Variants in EPS8 observed in about 807,000 individuals in gnomAD.
EPS8 encodes EGFR pathway substrate 8, signaling adaptor.
In EPS8, 42 loss-of-function variants were observed where a neutral mutation model predicts 103.8. The observed-to-expected ratio is 0.40, with a 90% CI of 0.32 to 0.52. EPS8 has a LOEUF of 0.52. EPS8 is among the 20% of genes least tolerant of loss of function. The probability of loss-of-function intolerance (pLI) is 0.40; values close to 1 mark genes in which losing one functional copy is unlikely to be tolerated. For synonymous variants in EPS8, 344 were observed against 344.6 expected, an observed-to-expected ratio of 1.00 and a Z score of 0.02; for missense variants, 969 against 1,005.1, an observed-to-expected ratio of 0.96 and a Z score of 0.49.
rs969224920 is a variant in EPS8, at chr12:15,711,108, A to T, written c.-21-28136T>A. On this transcript the variant is annotated intron_variant, in intron 1 of 20. Transcript: ENST00000281172. ...TTGGTAGAGACAAGGTCTCACTATG[A>T]TGCCCAGGCTGGCCTTGAACTCATG... Among the ~76,000 whole-genome samples, 4 of 151,636 alleles carry T rather than the reference A, an allele frequency of 2.6e-5. No homozygotes were observed. In the East Asian group the frequency reaches 7.8e-4, roughly 29 times the overall value.
rs1946134600 is a variant in EPS8, at chr12:15,688,966, G to GC, written c.-21-5995dup. Among the ~76,000 whole-genome samples the GC allele has an allele frequency of 6.6e-6, 1 of 152,128 alleles. No homozygotes were observed. The highest frequency in any genetic ancestry group is 2.4e-5 in the African/African-American group (1 of 41,422). ...CTGTGGGATTGGAACCTCACAGCCT[G>GC]CCAGTCTGCATGCTCCCCTAGAGGT... On this transcript the variant is annotated intron_variant, in intron 1 of 20. Transcript: ENST00000281172. The surrounding 1 kb of genome is among the most constrained non-coding windows in gnomAD (Gnocchi z 5.1).
At chr12:15,653,441 C>T (rs1311786987) in intron 13 of EPS8, among the ~76,000 whole-genome samples, 1 of 152,112 alleles carries the variant, frequency 6.6e-6, no homozygotes, top group Non-Finnish European at 1.5e-5. Context: ...ATCCGCCTCC[C>T]GCCCTTCCAC....
At chr12:15,758,785 T>G (rs996835835) in intron 1 of EPS8, among the ~76,000 whole-genome samples, 2 of 152,236 alleles carry the variant, frequency 1.3e-5, no homozygotes, top group Non-Finnish European at 2.9e-5. Context: ...AGTGGTTATG[T>G]AGGAGAATGT....
intron 1 of EPS8, among the ~76,000 whole-genome samples, chr12:15,687,756 C>T (rs975007244): frequency 6.6e-6 from 1 of 152,178 alleles, no homozygotes; most frequent in African/African-American, 2.4e-5. Context: ...TGTCTATTCC[C>T]TGAGTTGCTA....
rs58735135 is a variant in EPS8, at chr12:15,703,847, G to GTTTTTTTTT, written c.-21-20884_-21-20876dup. ...CACCTGTATTCTGCTCTATGTATTTGTTTTTTTTTTTTTTTTTTTTTTTGG... is the reference window on the plus strand; with the variant it reads ...CACCTGTATTCTGCTCTATGTATTTGTTTTTTTTTTTTTTTTTTTTTTTTTTTTTTTTGG... On this transcript the variant is annotated intron_variant, in intron 1 of 20. Coordinates refer to ENST00000281172, the MANE Select transcript of EPS8 (RefSeq NM_004447.6). Among the ~76,000 whole-genome samples the GTTTTTTTTT allele has an allele frequency of 4.4e-4, 27 of 61,238 alleles. 2 individuals are homozygous for GTTTTTTTTT. The highest frequency in any genetic ancestry group is 1.8e-3 in the African/African-American group (24 of 13,684). The allele number at this position is 61,238 out of a possible 152,430, so 40.2% of individuals were successfully genotyped here. A position where few individuals can be genotyped will look rare whatever the true frequency, so the allele number is the denominator to read the frequency against.
chr12:15,630,229 C>CACAT (rs1945021830), intron 18 of EPS8, among the ~76,000 whole-genome samples: 1 of 151,430 alleles, frequency 6.6e-6, no homozygotes, highest in African/African-American at 2.4e-5. Context: ...CACACACATA[C>CACAT]ACACACACAC....
chr12:15,775,088 A>T (rs1947194911), intron 1 of EPS8, among the ~76,000 whole-genome samples: 1 of 152,124 alleles, frequency 6.6e-6, no homozygotes, highest in Non-Finnish European at 1.5e-5. Flanking sequence ...GCTTGGCCCC[A>T]CTAAAGAAGG....
In EPS8 at chr12:15,717,074, T is replaced by A. The variant is rs976434611; in HGVS notation, c.-21-34102A>T. 1.3e-5 allele frequency among the ~76,000 whole-genome samples: 2 copies of A among 152,234 alleles called. No individual in the cohort carries two copies. Among genetic ancestry groups the A allele is most frequent in the African/African-American group, 2.4e-5 (1 of 41,460 alleles). On this transcript the variant is annotated intron_variant, in intron 1 of 20. Coordinates refer to ENST00000281172, the MANE Select transcript of EPS8 (RefSeq NM_004447.6). The surrounding 1 kb of genome is among the most constrained non-coding windows in gnomAD (Gnocchi z 4.3). ...GCTAAGTTAGTTAAATTTGTATGGA[T>A]ACAATGATCAATCAAATGCTTTAAC...
intron 1 of EPS8, among the ~76,000 whole-genome samples, chr12:15,786,319 T>C (rs1170711878): frequency 6.6e-6 from 1 of 152,020 alleles, no homozygotes; most frequent in Non-Finnish European, 1.5e-5. Context: ...TGAATTCCAA[T>C]GCAAATGTAT....
intron 9 of EPS8, among the ~76,000 whole-genome samples, chr12:15,661,320 A>G (rs1945601859): frequency 6.6e-6 from 1 of 152,180 alleles, no homozygotes; most frequent in Non-Finnish European, 1.5e-5. Flanking sequence ...GAAACTTGAC[A>G]TTCTTCTAAT....
chr12:15,651,044 T>A (rs778188288), intron 13 of EPS8, 38 bp from the exon 14 acceptor site: 1 of 1,552,142 alleles, frequency 6.4e-7, no homozygotes, highest in South Asian at 1.2e-5. Flanking sequence ...CAATAAAATC[T>A]AGGAATGTAT....
At chr12:15,650,134 A>G (rs114113851) in intron 14 of EPS8, among the ~76,000 whole-genome samples, 150 of 152,370 alleles carry the variant, frequency 9.8e-4, no homozygotes, top group African/African-American at 3.6e-3. Context: ...ATTCCCAAAT[A>G]GGTTATACTC....
intron 15 of EPS8, among the ~76,000 whole-genome samples, chr12:15,643,281 A>G (rs2135761191): frequency 6.6e-6 from 1 of 152,278 alleles, no homozygotes; most frequent in South Asian, 2.1e-4. Flanking sequence ...GGTCTATAAC[A>G]AATTTTTTGT....
rs183631267 is a variant in EPS8 at position 15,701,733 on chromosome 12, G to A, written c.-21-18761C>T. ...TCAATCTCACTTGTTTTTTAGTTTC[G>A]AAACATTGGAAATATCTCACAGACC... is the stretch of plus-strand genomic sequence containing the variant. On this transcript the variant is annotated intron_variant, in intron 1 of 20. Transcript: ENST00000281172. This position sits in a 1 kb window ranked among gnomAD's most constrained non-coding sequence, Gnocchi z 5.1. Among the ~76,000 whole-genome samples the A allele has an allele frequency of 1.3e-5, 2 of 152,064 alleles. No homozygotes were observed. The highest frequency in any genetic ancestry group is 6.5e-5 in the Admixed American group (1 of 15,280).
chr12:15,772,854 C>A lies in EPS8; in HGVS notation c.-22+16307G>T, dbSNP rs535440432. On this transcript the variant is annotated intron_variant, in intron 1 of 20. Coordinates refer to ENST00000281172, the MANE Select transcript of EPS8 (RefSeq NM_004447.6). This position sits in a 1 kb window ranked among gnomAD's most constrained non-coding sequence, Gnocchi z 5.0. The stretch of plus-strand genomic sequence containing the variant: ...ACGGGTCTACAAAGTACCAGAAACC[C>A]TAAATGGTAAAAATTCATAGTGAAC... 2.6e-5 allele frequency among the ~76,000 whole-genome samples: 4 copies of A among 152,214 alleles called. No homozygotes were observed. Among genetic ancestry groups the A allele is most frequent in the South Asian group, 2.1e-4 (1 of 4,816 alleles).
chr12:15,788,486 AAG>A (rs1306632697), intron 1 of EPS8, among the ~76,000 whole-genome samples: 2 of 152,200 alleles, frequency 1.3e-5, no homozygotes, highest in Non-Finnish European at 1.5e-5. Context: ...GAAGGAAAGT[AAG>A]AGTGAGAACA....
chr12:15,648,146 G>T lies in EPS8; in HGVS notation c.1435-886C>A, dbSNP rs151220379. Among the ~76,000 whole-genome samples, 387 of 152,260 alleles carry T rather than the reference G, an allele frequency of 2.5e-3. 2 individuals carry two copies. The highest frequency in any genetic ancestry group is 8.5e-3 in the African/African-American group (352 of 41,532). On this transcript the variant is annotated intron_variant, in intron 14 of 20. Transcript: ENST00000281172. ...TGAGGCACAGTTTCCAACAGGCCAC[G>T]CACTAGTACTGGTCCACGACCCAGG...
chr12:15,722,799 T>C (rs1028458103), intron 1 of EPS8, among the ~76,000 whole-genome samples: 3 of 152,134 alleles, frequency 2.0e-5, no homozygotes, highest in African/African-American at 7.2e-5. Flanking sequence ...CTCACCTCTT[T>C]TAAGGCACAA....
Position 15,776,361 on chromosome 12 carries a change from C to T in EPS8, c.-22+12800G>A, listed in dbSNP as rs1336271352. 3.3e-5 allele frequency among the ~76,000 whole-genome samples: 5 copies of T among 152,240 alleles called. No homozygotes were observed. In the East Asian group the frequency reaches 7.7e-4, roughly 24 times the overall value. ...AAGTCAGCCCCTGCAAAGGAGCAAT[C>T]CGGTACTCTTTTGGAAGAGAGAAAA... is the stretch of plus-strand genomic sequence containing the variant. On this transcript the variant is annotated intron_variant, in intron 1 of 20. Transcript: ENST00000281172. The surrounding 1 kb of genome is among the most constrained non-coding windows in gnomAD (Gnocchi z 4.2).
Sources: allele counts gnomAD v4.1 joint callset (sites outside exome capture counted in the v4.1 genomes callset), GRCh38; gene constraint gnomAD v4.1.1; non-coding constraint Gnocchi (gnomAD v3.1); transcripts MANE v1.5; gene names NCBI Gene and HGNC (gene_info 2026-07-23, HGNC 2026-07-21).